Variants in THADA observed in about 807,000 individuals in gnomAD.
The protein encoded by THADA is tRNA (32-2'-O)-methyltransferase regulator THADA.
THADA carries 213 observed loss-of-function variants against 219.8 expected under a neutral mutation model. That is an observed-to-expected ratio of 0.97 (90% CI 0.87 to 1.09). The LOEUF (loss-of-function observed/expected upper bound fraction) is 1.09. Among genes scored for constraint, THADA ranks in the 50% least tolerant of loss-of-function variants. The pLI is 0.00. For missense variants in THADA, 2,956 were observed against 2,311.3 expected, an observed-to-expected ratio of 1.28 and a Z score of -5.72; for synonymous variants, 1,018 against 828.9, an observed-to-expected ratio of 1.23 and a Z score of -3.92.
intron 22 of THADA, among the ~76,000 whole-genome samples, chr2:43,512,672 T>C (rs1222711220): frequency 1.3e-5 from 2 of 152,178 alleles, no homozygotes; most frequent in East Asian, 1.9e-4. Context: ...CCAGCTAACT[T>C]TGTATTTTTA....
At position 43,577,011 on chromosome 2, in the gene THADA, T is replaced by C. The variant is rs1699924281; in HGVS notation, c.1037+11A>G. 4 of 1,608,202 alleles carry C rather than the reference T, an allele frequency of 2.5e-6. No homozygotes were observed. Among genetic ancestry groups the C allele is most frequent in the Non-Finnish European group, 3.4e-6 (4 of 1,176,814 alleles). The stretch of plus-strand genomic sequence containing the variant: ...TGAAACAAAATATGAGACGATAGCA[T>C]CAAAACTCACTGTGAACTCAAGGTG... On this transcript the variant is annotated intron_variant, in intron 10 of 37. Coordinates refer to ENST00000405975, the MANE Select transcript of THADA (RefSeq NM_022065.5).
intron 28 of THADA, among the ~76,000 whole-genome samples, chr2:43,407,259 C>T (rs1160922582): frequency 6.6e-6 from 1 of 152,134 alleles, no homozygotes; most frequent in Admixed American, 6.5e-5. Context: ...TTTTAAGACA[C>T]TACACAAAGG....
At position 43,419,470 on chromosome 2, in the gene THADA, T is replaced by C. The variant is rs114147248; in HGVS notation, c.4058+8630A>G. Among the ~76,000 whole-genome samples the C allele has an allele frequency of 3.3e-3, 510 of 152,356 alleles. 4 individuals carry two copies. The highest frequency in any genetic ancestry group is 0.011 in the African/African-American group (453 of 41,580). On this transcript the variant is annotated intron_variant, in intron 28 of 37. Coordinates refer to ENST00000405975, the MANE Select transcript of THADA (RefSeq NM_022065.5). ...GGCCCAGAGGGAAAGGGAAAACCCATTCCAGTCAGAGAAAGCTAACCGAAA... is the reference window on the plus strand; with the variant it reads ...GGCCCAGAGGGAAAGGGAAAACCCACTCCAGTCAGAGAAAGCTAACCGAAA...
At chr2:43,481,900 C>T (rs1686277498) in intron 26 of THADA, among the ~76,000 whole-genome samples, 1 of 152,194 alleles carries the variant, frequency 6.6e-6, no homozygotes, top group African/African-American at 2.4e-5. Context: ...TACATATTGA[C>T]ATGTATCATT....
At chr2:43,500,869 T>C (rs562391770) in intron 24 of THADA, among the ~76,000 whole-genome samples, 28 of 152,314 alleles carry the variant, frequency 1.8e-4, no homozygotes, top group African/African-American at 6.0e-4. Context: ...GCAATTCTGA[T>C]AGGCTGCTGA....
At chr2:43,373,661 G>C (rs1342033993) in intron 29 of THADA, among the ~76,000 whole-genome samples, 1 of 152,104 alleles carries the variant, frequency 6.6e-6, no homozygotes, top group Non-Finnish European at 1.5e-5. Context: ...ATTTTTAGTA[G>C]AGATGGGGTT....
chr2:43,279,651 G>C (rs1366874453), intron 36 of THADA, 114 bp downstream of exon 36: 1 of 1,352,280 alleles, frequency 7.4e-7, no homozygotes, highest in Non-Finnish European at 9.8e-7. Context: ...GCAGAGTTGA[G>C]ACACAGACCA....
intron 36 of THADA, among the ~76,000 whole-genome samples, chr2:43,263,604 T>C (rs1671202686): frequency 6.6e-6 from 1 of 152,134 alleles, no homozygotes; most frequent in Admixed American, 6.5e-5. Context: ...CAAGTGACAG[T>C]CTGTTTCTCT....
At chr2:43,413,237 C>T (rs906338875) in intron 28 of THADA, among the ~76,000 whole-genome samples, 1 of 152,078 alleles carries the variant, frequency 6.6e-6, no homozygotes, top group East Asian at 1.9e-4. Flanking sequence ...CATACTGTAG[C>T]TATGTTACCA....
At chr2:43,397,947 G>T (rs1573455229) in intron 29 of THADA, 24 bp downstream of exon 29, 1 of 1,612,718 alleles carries the variant, frequency 6.2e-7, no homozygotes, top group African/African-American at 1.3e-5. Context: ...TTTGACAGAA[G>T]TCACACAAAG....
intron 7 of THADA, 108 bp downstream of exon 7, chr2:43,586,293 T>A (rs1309731264): frequency 1.1e-6 from 1 of 910,630 alleles, no homozygotes; most frequent in South Asian, 2.1e-5. Context: ...ATAATATTAA[T>A]GAAAAGGGAT....
rs577761613 is a variant in THADA, at chr2:43,532,870, C to T, written c.3265-4882G>A. On this transcript the variant is annotated intron_variant, in intron 21 of 37. Transcript: ENST00000405975. ...TTGACTAAAACACCAAAAGCAACTG[C>T]GACAAAAGCCAAAACTGACAAGTAG... Among the ~76,000 whole-genome samples the T allele has an allele frequency of 1.1e-4, 17 of 152,246 alleles. No homozygotes were observed. The South Asian group carries it at 1.5e-3, about 13-fold the overall frequency.
chr2:43,305,218 T>A (rs111680237), intron 31 of THADA, among the ~76,000 whole-genome samples: 1 of 140,082 alleles, frequency 7.1e-6, no homozygotes, highest in African/African-American at 2.6e-5. Flanking sequence ...ACAACAACAA[T>A]AACAACAGAA....
chr2:43,523,203 A>T (rs1003024530), intron 22 of THADA, among the ~76,000 whole-genome samples: 1 of 151,970 alleles, frequency 6.6e-6, no homozygotes, highest in African/African-American at 2.4e-5. Context: ...CATCTCTACA[A>T]AAAATACAAA....
intron 36 of THADA, among the ~76,000 whole-genome samples, chr2:43,236,758 C>G (rs1668069529): frequency 6.6e-6 from 1 of 152,092 alleles, no homozygotes; most frequent in South Asian, 2.1e-4. Context: ...TACTACAAAG[C>G]TATAGGAATA....
At chr2:43,396,959 A>C (rs1222408152) in intron 29 of THADA, among the ~76,000 whole-genome samples, 1 of 152,196 alleles carries the variant, frequency 6.6e-6, no homozygotes, top group Non-Finnish European at 1.5e-5. Context: ...CTGTCTATAT[A>C]TCTTGTGGTG....
In THADA at chr2:43,326,864, C is replaced by T. The variant is rs77343372; in HGVS notation, c.4344-6324G>A. On this transcript the variant is annotated intron_variant, in intron 30 of 37. Transcript: ENST00000405975. ...ACTTACCAAGCTCTACCAGAATTCA[C>T]TGCCATCTTCAGAGGGCTGGAAACT... is the stretch of plus-strand genomic sequence containing the variant. Among the ~76,000 whole-genome samples the T allele has an allele frequency of 4.6e-3, 696 of 152,366 alleles. 2 individuals are homozygous for T. Among genetic ancestry groups the T allele is most frequent in the African/African-American group, 0.016 (664 of 41,578 alleles).
intron 36 of THADA, among the ~76,000 whole-genome samples, chr2:43,252,338 T>C (rs1430194485): frequency 8.5e-5 from 13 of 152,250 alleles, no homozygotes; most frequent in Non-Finnish European, 4.4e-5. Context: ...AGTTTTATCA[T>C]CACTTTGAAA....
Position 43,549,326 on chromosome 2 carries a change from G to C in THADA, c.2990C>G (p.Pro997Arg). The change falls in exon 20 of 38, where the codon CCT (proline) becomes CGT (arginine). Residue 997 changes from proline (P) to arginine (R), a missense_variant. Physicochemically the swap from Pro to Arg is moderately radical, Grantham distance 103 (BLOSUM62 -2). Transcript: ENST00000405975. ...GTTAAAATAATCATTAGTATCTCGA[G>C]GCTGAATCTCATTCAGAATCATCTG... Reference protein sequence around the residue: ...RLQMILNEIQPRDTNDYFNQA... With the variant: ...RLQMILNEIQRRDTNDYFNQA... 1 of 1,603,380 alleles carries C rather than the reference G, an allele frequency of 6.2e-7. No homozygotes were observed. The highest frequency in any genetic ancestry group is 8.5e-7 in the Non-Finnish European group (1 of 1,175,192).
Sources: gnomAD v4.1 joint callset for allele counts (sites outside exome capture counted in the v4.1 genomes callset) on GRCh38, gnomAD v4.1.1 for gene constraint, MANE v1.5 for transcripts, NCBI Gene and HGNC (gene_info 2026-07-23, HGNC 2026-07-21) for gene names.